The following ROBO2 variants were observed in gnomAD, a reference collection of about 807,000 sequenced individuals.
ROBO2 encodes the protein roundabout homolog 2.
Under a neutral mutation model 160.8 loss-of-function variants are expected in ROBO2, and 53 were observed. That is an observed-to-expected ratio of 0.33 (90% CI 0.26 to 0.41). ROBO2 has a LOEUF of 0.41. Among genes scored for constraint, ROBO2 ranks in the 10% least tolerant of loss-of-function variants. The probability of loss-of-function intolerance (pLI) is 1.00; values close to 1 mark genes in which losing one functional copy is unlikely to be tolerated. For synonymous variants in ROBO2, 664 were observed against 611.7 expected (o/e 1.09, Z -1.26); for missense variants, 1,577 against 1,722.4 (o/e 0.92, Z 1.49).
intron 2 of ROBO2, among the ~76,000 whole-genome samples, chr3:77,239,874 A>G (rs1021500211): frequency 4.6e-5 from 7 of 152,058 alleles, no homozygotes; most frequent in African/African-American, 1.4e-4. Flanking sequence ...AAAGTTCTCC[A>G]AGTCCTCACC....
At chr3:75,999,764 C>T (rs1452963735) in intron 2 of ROBO2, among the ~76,000 whole-genome samples, 1 of 152,026 alleles carries the variant, frequency 6.6e-6, no homozygotes, top group African/African-American at 2.4e-5. Flanking sequence ...TTGAAGTTTT[C>T]TTTTGAGATC....
intron 2 of ROBO2, chr3:76,434,145 C>G: frequency 8.4e-7 from 1 of 1,190,406 alleles, no homozygotes. Context: ...ATTTGACTCA[C>G]TGCTTGCTGG....
intron 2 of ROBO2, among the ~76,000 whole-genome samples, chr3:77,174,300 C>A (rs1368913736): frequency 1.3e-5 from 2 of 151,114 alleles, no homozygotes; most frequent in African/African-American, 4.9e-5. Context: ...GCACAGAGTA[C>A]GATTAAAATG....
intron 2 of ROBO2, among the ~76,000 whole-genome samples, chr3:76,232,077 C>T (rs1279756573): frequency 6.6e-6 from 1 of 152,128 alleles, no homozygotes; most frequent in African/African-American, 2.4e-5. Flanking sequence ...TGCCAAGAAT[C>T]AGTCAGTCAG....
chr3:77,252,243 A>G (rs2090431844), intron 2 of ROBO2, among the ~76,000 whole-genome samples: 1 of 152,026 alleles, frequency 6.6e-6, no homozygotes, highest in Admixed American at 6.6e-5. Flanking sequence ...TTTCTTCCTC[A>G]TTTTTGTCTG....
At chr3:76,954,316 C>T (rs1477508000) in intron 2 of ROBO2, among the ~76,000 whole-genome samples, 2 of 152,178 alleles carry the variant, frequency 1.3e-5, no homozygotes, top group Non-Finnish European at 2.9e-5. Context: ...TAGGATAGTG[C>T]TATTGAAATA....
At chr3:77,303,216 G>A (rs143074640) in intron 2 of ROBO2, among the ~76,000 whole-genome samples, 1 of 152,136 alleles carries the variant, frequency 6.6e-6, no homozygotes, top group Admixed American at 6.6e-5. Context: ...TAAATTGTAG[G>A]TATGGAGTAC....
At chr3:77,025,539 T>C (rs986200579) in intron 2 of ROBO2, among the ~76,000 whole-genome samples, 4 of 152,152 alleles carry the variant, frequency 2.6e-5, no homozygotes, top group South Asian at 4.1e-4. Context: ...TGCTCCCAAA[T>C]GAACATAAAG....
chr3:77,184,845 G>A (rs569255703), intron 2 of ROBO2, among the ~76,000 whole-genome samples: 174 of 151,980 alleles, frequency 1.1e-3, no homozygotes, highest in African/African-American at 4.0e-3. Flanking sequence ...GAAAAGCTTT[G>A]GATAATATTT....
At chr3:76,798,316 AAAG>A (rs1404329673) in intron 2 of ROBO2, among the ~76,000 whole-genome samples, 1 of 96,116 alleles carries the variant, frequency 1.0e-5, no homozygotes, top group Non-Finnish European at 2.3e-5. Context: ...AAGAAAGAAA[AAAG>A]AACGAATGAA....
At chr3:77,565,606 A>G (rs2093456783) in intron 12 of ROBO2, among the ~76,000 whole-genome samples, 1 of 152,080 alleles carries the variant, frequency 6.6e-6, no homozygotes, top group African/African-American at 2.4e-5. Context: ...TCAGGCTCAA[A>G]TTCAAACGCT....
intron 2 of ROBO2, among the ~76,000 whole-genome samples, chr3:76,994,081 GC>G (rs2060847555): frequency 9.1e-6 from 1 of 110,458 alleles, no homozygotes; most frequent in African/African-American, 4.0e-5. Context: ...ACAAAGATGT[GC>G]TTTTTTTGTT....
At chr3:77,418,075 T>A (rs1408174221) in intron 2 of ROBO2, among the ~76,000 whole-genome samples, 1 of 152,180 alleles carries the variant, frequency 6.6e-6, no homozygotes, top group Non-Finnish European at 1.5e-5. Context: ...CTACCTCAAG[T>A]GATTTCTTAA....
At chr3:77,561,279 C>T (rs917235480) in intron 9 of ROBO2, among the ~76,000 whole-genome samples, 11 of 152,140 alleles carry the variant, frequency 7.2e-5, no homozygotes, top group African/African-American at 2.7e-4. Flanking sequence ...TATATTTCAT[C>T]AACAATTAGA....
intron 2 of ROBO2, among the ~76,000 whole-genome samples, chr3:76,522,137 C>G (rs1431216523): frequency 2.0e-5 from 3 of 152,130 alleles, no homozygotes; most frequent in African/African-American, 7.2e-5. Context: ...ATGTTTTTCC[C>G]TCTGTATCCA....
intron 2 of ROBO2, among the ~76,000 whole-genome samples, chr3:75,993,738 G>C (rs913587739): frequency 1.3e-5 from 2 of 152,082 alleles, no homozygotes; most frequent in Non-Finnish European, 2.9e-5. Context: ...CTGACCTCTT[G>C]ACTTAATACA....
intron 4 of ROBO2, among the ~76,000 whole-genome samples, chr3:77,486,866 T>C (rs1166143799): frequency 6.6e-6 from 1 of 152,108 alleles, no homozygotes; most frequent in Non-Finnish European, 1.5e-5. Context: ...CATACCACAT[T>C]GTTCTTTGTC....
chr3:76,434,374 G>A (rs2076572998), intron 2 of ROBO2: 2 of 1,541,962 alleles, frequency 1.3e-6, no homozygotes, highest in African/African-American at 1.4e-5. Context: ...GAGGCAGCAA[G>A]TTGTTTAATC....
chr3:76,679,159 A>T (rs1032576408), intron 2 of ROBO2, among the ~76,000 whole-genome samples: 6 of 152,090 alleles, frequency 3.9e-5, no homozygotes, highest in African/African-American at 1.2e-4. Context: ...CTTTTAGCTT[A>T]ATTTATTCTT....
Sources: gnomAD v4.1 joint callset for allele counts (sites outside exome capture counted in the v4.1 genomes callset) on GRCh38, gnomAD v4.1.1 for gene constraint, MANE v1.5 for transcripts, NCBI Gene and HGNC (gene_info 2026-07-23, HGNC 2026-07-21) for gene names.